Variants in NEDD4L observed in about 807,000 individuals in gnomAD.
NEDD4L encodes NEDD4 like E3 ubiquitin protein ligase, also known as E3 ubiquitin-protein ligase NEDD4-like.
In NEDD4L, 54 loss-of-function variants were observed where a neutral mutation model predicts 148.9. The ratio of observed to expected loss-of-function variants is 0.36; its 90% CI spans 0.29 to 0.45. The LOEUF is 0.45. Among genes scored for constraint, NEDD4L ranks in the 20% least tolerant of loss-of-function variants. NEDD4L has a pLI of 1.00. For missense variants in NEDD4L, 856 were observed against 1,233.8 expected, an observed-to-expected ratio of 0.69 and a Z score of 4.59; for synonymous variants, 433 against 440.7, an observed-to-expected ratio of 0.98 and a Z score of 0.22.
At chr18:58,217,598 C>T (rs2043283425) in intron 2 of NEDD4L, among the ~76,000 whole-genome samples, 1 of 152,190 alleles carries the variant, frequency 6.6e-6, no homozygotes, top group Non-Finnish European at 1.5e-5. Context: ...GTCTTAGCCC[C>T]ACGAGTAGCT....
intron 13 of NEDD4L, among the ~76,000 whole-genome samples, chr18:58,340,598 C>A (rs996975867): frequency 6.6e-6 from 1 of 152,178 alleles, no homozygotes; most frequent in African/African-American, 2.4e-5. Context: ...TAGGCCTAAG[C>A]TAGAAGAGCA....
chr18:58,097,082 G>A (rs1023711308), intron 1 of NEDD4L, among the ~76,000 whole-genome samples: 1 of 151,984 alleles, frequency 6.6e-6, no homozygotes, highest in Non-Finnish European at 1.5e-5. Flanking sequence ...CAAACCATTT[G>A]GAATTCTTCC....
At chr18:58,368,057 A>G (rs1355660171) in intron 22 of NEDD4L, among the ~76,000 whole-genome samples, 190 bp downstream of exon 22, 1 of 152,232 alleles carries the variant, frequency 6.6e-6, no homozygotes, top group African/African-American at 2.4e-5. Flanking sequence ...TAGTGTCTAC[A>G]CACAGTTAAA....
chr18:58,081,356 C>T (rs1278389554), intron 1 of NEDD4L, among the ~76,000 whole-genome samples: 2 of 151,738 alleles, frequency 1.3e-5, no homozygotes, highest in African/African-American at 4.9e-5. Context: ...GCTGGGACTA[C>T]AGGTGCCTAC....
intron 5 of NEDD4L, among the ~76,000 whole-genome samples, chr18:58,254,611 G>T (rs1600282512): frequency 7.0e-6 from 1 of 143,762 alleles, no homozygotes. Flanking sequence ...TTTTCCTTTT[G>T]TTTTTTGTTG....
rs965419755 is a variant in NEDD4L, at chr18:58,336,857, A to G, written c.1125+1320A>G. On this transcript the variant is annotated intron_variant, in intron 13 of 30. Coordinates refer to ENST00000400345, the MANE Select transcript of NEDD4L (RefSeq NM_001144967.3). The stretch of plus-strand genomic sequence containing the variant: ...TTCAAGAAATTCTACATGAACTATT[A>G]CCCACCGTGCACTTGTAATTTCTGT... Among the ~76,000 whole-genome samples the G allele has an allele frequency of 7.2e-5, 11 of 152,132 alleles. No homozygotes were observed. In the South Asian group the frequency reaches 2.3e-3, roughly 32 times the overall value.
chr18:58,111,826 A>G (rs1299535816), intron 1 of NEDD4L, among the ~76,000 whole-genome samples: 1 of 152,070 alleles, frequency 6.6e-6, no homozygotes, highest in African/African-American at 2.4e-5. Context: ...ATATGTTTTC[A>G]TTTCTCTTGG....
intron 21 of NEDD4L, among the ~76,000 whole-genome samples, chr18:58,367,386 AGAC>A (rs1403187639): frequency 1.3e-5 from 2 of 152,208 alleles, no homozygotes; most frequent in Admixed American, 1.3e-4. Context: ...TTCATCACAG[AGAC>A]GACCTAAAGT....
intron 5 of NEDD4L, among the ~76,000 whole-genome samples, chr18:58,295,280 C>T (rs2055390647): frequency 6.6e-6 from 1 of 152,160 alleles, no homozygotes. Flanking sequence ...CCTACCATGC[C>T]CCTAAACCCT....
intron 5 of NEDD4L, among the ~76,000 whole-genome samples, chr18:58,310,633 C>T (rs1269488748): frequency 6.6e-6 from 1 of 152,264 alleles, no homozygotes; most frequent in Non-Finnish European, 1.5e-5. Context: ...ACCGCACTCA[C>T]ACTTTACCTC....
At chr18:58,365,382 T>C (rs1222563164) in intron 20 of NEDD4L, among the ~76,000 whole-genome samples, 1 of 152,216 alleles carries the variant, frequency 6.6e-6, no homozygotes, top group Non-Finnish European at 1.5e-5. Flanking sequence ...CATTCATTCT[T>C]ACAGCCAGAC....
chr18:58,157,185 C>CAAAAA (rs59302556), intron 1 of NEDD4L, among the ~76,000 whole-genome samples: 1 of 89,306 alleles, frequency 1.1e-5, no homozygotes, highest in Non-Finnish European at 2.5e-5. Flanking sequence ...GACCTTGTCT[C>CAAAAA]AAAAAAAAAA....
At chr18:58,129,220 C>A (rs956869456) in intron 1 of NEDD4L, among the ~76,000 whole-genome samples, 1 of 152,226 alleles carries the variant, frequency 6.6e-6, no homozygotes, top group African/African-American at 2.4e-5. Context: ...TCCGTGCCTA[C>A]CCTTGGCTGC....
At chr18:58,162,064 T>C (rs1298962594) in intron 1 of NEDD4L, among the ~76,000 whole-genome samples, 2 of 152,234 alleles carry the variant, frequency 1.3e-5, no homozygotes, top group African/African-American at 2.4e-5. Flanking sequence ...AGACACATTT[T>C]TATATGCTGG....
intron 4 of NEDD4L, among the ~76,000 whole-genome samples, chr18:58,249,687 G>C (rs2047669024): frequency 6.6e-6 from 1 of 152,194 alleles, no homozygotes; most frequent in Non-Finnish European, 1.5e-5. Context: ...AATAATCCAG[G>C]TCTTCTGATT....
intron 1 of NEDD4L, among the ~76,000 whole-genome samples, chr18:58,101,089 A>G (rs2145489336): frequency 6.6e-6 from 1 of 152,294 alleles, no homozygotes; most frequent in East Asian, 1.9e-4. Flanking sequence ...TATAGGTGTG[A>G]GCCACCGTGC....
intron 1 of NEDD4L, among the ~76,000 whole-genome samples, chr18:58,150,617 G>C (rs1244047473): frequency 6.6e-6 from 1 of 152,258 alleles, no homozygotes; most frequent in Non-Finnish European, 1.5e-5. Flanking sequence ...TGGACTGACA[G>C]AATGTTTTTT....
intron 2 of NEDD4L, chr18:58,195,711 G>A: frequency 7.4e-7 from 1 of 1,351,984 alleles, no homozygotes; most frequent in Non-Finnish European, 9.8e-7. Context: ...CACTTCAGAC[G>A]AGCTCTTCCT....
chr18:58,369,778 C>T (rs1394919980), intron 22 of NEDD4L, among the ~76,000 whole-genome samples: 1 of 152,186 alleles, frequency 6.6e-6, no homozygotes. Flanking sequence ...GGGAGGCCGA[C>T]CTCGCTGCTG....
Sources: gnomAD v4.1 joint callset for allele counts (sites outside exome capture counted in the v4.1 genomes callset) on GRCh38, gnomAD v4.1.1 for gene constraint, MANE v1.5 for transcripts, NCBI Gene and HGNC (gene_info 2026-07-23, HGNC 2026-07-21) for gene names.